The following CLNK variants were observed in gnomAD, a reference collection of about 807,000 sequenced individuals.
CLNK encodes cytokine dependent hematopoietic cell linker.
In CLNK, 74 loss-of-function variants were observed where a neutral mutation model predicts 68.6. That is an observed-to-expected ratio of 1.08 (90% CI 0.89 to 1.31). The LOEUF (loss-of-function observed/expected upper bound fraction) is 1.31, where lower values mean the gene tolerates loss of function less well. CLNK is among the 50% of genes most tolerant of loss of function. The probability of loss-of-function intolerance (pLI) is 0.00; values close to 1 mark genes in which losing one functional copy is unlikely to be tolerated. For missense variants in CLNK, 553 were observed against 515.3 expected, an observed-to-expected ratio of 1.07 and a Z score of -0.71; for synonymous variants, 198 against 172.2, an observed-to-expected ratio of 1.15 and a Z score of -1.17.
At position 10,501,386 on chromosome 4, in the gene CLNK, C is replaced by T; in HGVS notation, c.1010G>A (p.Cys337Tyr). ...GGGCTCTTCCTTGGATTTTGTGGAACAATCTCGGACCAAGAAACTACCATC... is the reference window on the plus strand; with the variant it reads ...GGGCTCTTCCTTGGATTTTGTGGAATAATCTCGGACCAAGAAACTACCATC... Reference protein sequence around the residue: ...NKDGSFLVRDCSTKSKEEPYV... With the variant: ...NKDGSFLVRDYSTKSKEEPYV... Residue 337 changes from cysteine (C) to tyrosine (Y), a missense_variant, in exon 18 of 19, where the codon TGT becomes TAT. Physicochemically the swap from Cys to Tyr is radical, Grantham distance 194. Coordinates refer to ENST00000226951, the MANE Select transcript of CLNK (RefSeq NM_052964.4). 1 of 1,609,550 alleles carries T rather than the reference C, an allele frequency of 6.2e-7. No homozygotes were observed. The highest frequency in any genetic ancestry group is 1.7e-5 in the Admixed American group (1 of 58,686).
At chr4:10,569,894 C>T (rs1720272752) in intron 5 of CLNK, among the ~76,000 whole-genome samples, 1 of 152,156 alleles carries the variant, frequency 6.6e-6, no homozygotes, top group Non-Finnish European at 1.5e-5. Context: ...GGTATCTATT[C>T]CACAGCAGGA....
chr4:10,724,055 A>G, the CLNK span, among the ~76,000 whole-genome samples: 1 of 152,258 alleles, frequency 6.6e-6, no homozygotes, highest in South Asian at 2.1e-4. Context: ...GATATTTCAG[A>G]CCAAGAGTCG....
At chr4:10,582,687 C>G (rs775876300) in intron 4 of CLNK, among the ~76,000 whole-genome samples, 1 of 151,938 alleles carries the variant, frequency 6.6e-6, no homozygotes, top group Non-Finnish European at 1.5e-5. Context: ...GAATGGTTTT[C>G]TAAAGAATAT....
chr4:10,616,821 TATAC>T (rs772174276), intron 2 of CLNK, among the ~76,000 whole-genome samples: 15,672 of 48,792 alleles, frequency 0.32, 973 homozygotes, highest in Non-Finnish European at 0.39. Flanking sequence ...TATATATATA[TATAC>T]ACGCATTTTT....
intron 15 of CLNK, among the ~76,000 whole-genome samples, chr4:10,515,259 G>C (rs910013736): frequency 1.3e-5 from 2 of 151,822 alleles, no homozygotes; most frequent in Non-Finnish European, 2.9e-5. Flanking sequence ...ATTCTGATAT[G>C]ATTTCCTTTC....
chr4:10,718,159 G>C, the CLNK span, among the ~76,000 whole-genome samples: 1 of 152,282 alleles, frequency 6.6e-6, no homozygotes, highest in African/African-American at 2.4e-5. Flanking sequence ...CAATGAACTG[G>C]AAGTAGAACA....
chr4:10,527,057 G>C (rs548066010), intron 13 of CLNK, among the ~76,000 whole-genome samples: 2 of 152,316 alleles, frequency 1.3e-5, no homozygotes, highest in Admixed American at 1.3e-4. Flanking sequence ...GTGAGTCAGT[G>C]ACTGGTCCAT....
At chr4:10,676,128 C>G (rs887129361) in intron 1 of CLNK, among the ~76,000 whole-genome samples, 1 of 151,478 alleles carries the variant, frequency 6.6e-6, no homozygotes, top group Non-Finnish European at 1.5e-5. Flanking sequence ...GTAAACATGT[C>G]GAAATCAAGA....
chr4:10,509,006 C>A (rs866040745), intron 16 of CLNK, among the ~76,000 whole-genome samples: 8 of 148,946 alleles, frequency 5.4e-5, no homozygotes, highest in African/African-American at 2.0e-4. Context: ...ACTTGGGAGG[C>A]TGAGGCAGGA....
At chr4:10,694,195 G>A in the CLNK span, among the ~76,000 whole-genome samples, 3 of 151,220 alleles carry the variant, frequency 2.0e-5, no homozygotes, top group South Asian at 2.1e-4. Context: ...CAAATATACC[G>A]CCTCTTTTGC....
At chr4:10,704,648 C>A in the CLNK span, among the ~76,000 whole-genome samples, 3 of 152,126 alleles carry the variant, frequency 2.0e-5, no homozygotes, top group African/African-American at 7.2e-5. Flanking sequence ...CAGGACATGG[C>A]AGCTCTGCCC....
intron 9 of CLNK, 65 bp downstream of exon 9, chr4:10,542,190 A>T: frequency 2.5e-6 from 3 of 1,217,096 alleles, no homozygotes. Context: ...TTTTTGCATC[A>T]TCTATATCTC....
chr4:10,682,820 G>A (rs1303937931), intron 1 of CLNK, among the ~76,000 whole-genome samples: 1 of 152,116 alleles, frequency 6.6e-6, no homozygotes, highest in Non-Finnish European at 1.5e-5. Flanking sequence ...AAGAAAATAT[G>A]TATTCAAAGG....
chr4:10,662,181 A>G (rs1458688122), intron 2 of CLNK, among the ~76,000 whole-genome samples: 9 of 152,192 alleles, frequency 5.9e-5, no homozygotes, highest in Admixed American at 5.9e-4. Context: ...GTCTGCTCTA[A>G]TACTCCTAGA....
chr4:10,608,209 T>C (rs748933519), intron 2 of CLNK, among the ~76,000 whole-genome samples: 11 of 152,228 alleles, frequency 7.2e-5, no homozygotes, highest in South Asian at 2.1e-4. Flanking sequence ...AATTTTATCT[T>C]AGTTATCATT....
At chr4:10,622,867 TG>T (rs1722513779) in intron 2 of CLNK, among the ~76,000 whole-genome samples, 1 of 152,172 alleles carries the variant, frequency 6.6e-6, no homozygotes, top group Non-Finnish European at 1.5e-5. Flanking sequence ...GCTCCCTTCC[TG>T]GCTTACAAAC....
chr4:10,703,289 G>A, the CLNK span, among the ~76,000 whole-genome samples: 7 of 152,054 alleles, frequency 4.6e-5, no homozygotes, highest in East Asian at 1.9e-4. Context: ...GCCAGGAATC[G>A]GCTACTTTTT....
intron 2 of CLNK, among the ~76,000 whole-genome samples, chr4:10,603,063 T>A (rs890023823): frequency 1.3e-5 from 2 of 152,186 alleles, no homozygotes; most frequent in African/African-American, 4.8e-5. Context: ...ACACCCAATG[T>A]GACTGGTGCA....
chr4:10,607,587 T>G (rs1721837557), intron 2 of CLNK, among the ~76,000 whole-genome samples: 1 of 152,196 alleles, frequency 6.6e-6, no homozygotes, highest in Admixed American at 6.5e-5. Context: ...GTTTTTGTCT[T>G]GCCTGGCAAT....
Sources: allele counts gnomAD v4.1 joint callset (sites outside exome capture counted in the v4.1 genomes callset), GRCh38; gene constraint gnomAD v4.1.1; transcripts MANE v1.5; gene names NCBI Gene and HGNC (gene_info 2026-07-23, HGNC 2026-07-21).